The following POC1B variants were observed in gnomAD, a reference collection of about 807,000 sequenced individuals.
POC1B encodes POC1 centriolar protein homolog B.
In POC1B, 44 loss-of-function variants were observed where a neutral mutation model predicts 60.6. That is an observed-to-expected ratio of 0.73 (90% CI 0.57 to 0.93). The LOEUF (loss-of-function observed/expected upper bound fraction) is 0.93. Among genes scored for constraint, POC1B ranks in the 40% least tolerant of loss-of-function variants. POC1B has a pLI of 0.00. For missense variants in POC1B, 555 were observed against 572.3 expected (o/e 0.97, Z 0.31); for synonymous variants, 180 against 198.9 (o/e 0.90, Z 0.80).
At chr12:89,412,832 TTCC>T in the POC1B span, among the ~76,000 whole-genome samples, 19 of 127,610 alleles carry the variant, frequency 1.5e-4, no homozygotes, top group African/African-American at 6.6e-4. Flanking sequence ...CCTTCCTTCC[TTCC>T]TTCCTTCCTT....
intron 2 of POC1B, among the ~76,000 whole-genome samples, chr12:89,503,942 G>A (rs929095858): frequency 1.5e-5 from 2 of 131,498 alleles, no homozygotes; most frequent in Admixed American, 7.6e-5. Flanking sequence ...TGTCTGGGAA[G>A]TGAGGAGCGT....
At chr12:89,510,763 C>CTTTTTTTTTTTTTTTTTTTTTTTT (rs56654469) in intron 2 of POC1B, among the ~76,000 whole-genome samples, 1 of 139,088 alleles carries the variant, frequency 7.2e-6, no homozygotes, top group Non-Finnish European at 1.5e-5. Flanking sequence ...TGTTTTTATT[C>CTTTTTTTTTTTTTTTTTTTTTTTT]TTTTTTTTTT....
intron 4 of POC1B, among the ~76,000 whole-genome samples, chr12:89,489,386 G>T (rs531407724): frequency 6.6e-6 from 1 of 152,248 alleles, no homozygotes; most frequent in East Asian, 1.9e-4. Flanking sequence ...ACAAATTTAG[G>T]TCCAGGGTCC....
At chr12:89,509,123 A>G (rs1006608205) in intron 2 of POC1B, among the ~76,000 whole-genome samples, 2 of 152,202 alleles carry the variant, frequency 1.3e-5, no homozygotes, top group Non-Finnish European at 1.5e-5. Context: ...TAGTAAGTTA[A>G]TGAATATTTT....
chr12:89,409,993 A>T, the POC1B span, among the ~76,000 whole-genome samples: 1 of 152,192 alleles, frequency 6.6e-6, no homozygotes, highest in African/African-American at 2.4e-5. Flanking sequence ...CCTGGCAGAG[A>T]CACAACAAAA....
chr12:89,466,791 C>G lies in POC1B; in HGVS notation c.1011G>C (p.Glu337Asp), dbSNP rs753064627. ...DIYPRTPHPH[E>D]EKVETVEINP... ...TCACTTCTACAGTCTCAACTTTTTC[C>G]TCATGGGGATGTGGTGTTCTTGGGT... The change falls in exon 9 of 12, where the codon GAG becomes GAC. Residue 337 changes from glutamate (E) to aspartate (D), a missense_variant. By Grantham distance (45) the Glu-to-Asp change is conservative (BLOSUM62 2). Transcript: ENST00000313546. The G allele has an allele frequency of 6.2e-7, 1 of 1,611,610 alleles. No individual in the cohort carries two copies. Among genetic ancestry groups the G allele is most frequent in the South Asian group, 1.1e-5 (1 of 90,692 alleles).
At chr12:89,409,238 G>C in the POC1B span, among the ~76,000 whole-genome samples, 2 of 152,032 alleles carry the variant, frequency 1.3e-5, no homozygotes, top group Non-Finnish European at 2.9e-5. Flanking sequence ...TTTCTTCTAC[G>C]GTTTTTAATG....
chr12:89,525,646 G>T (rs11105311), intron 1 of POC1B: 1 of 1,281,232 alleles, frequency 7.8e-7, no homozygotes. Flanking sequence ...GCCCAGCTCA[G>T]TCCGGAGCTC....
chr12:89,486,903 TCACACACACACAGACACA>T (rs1034877853), intron 4 of POC1B, among the ~76,000 whole-genome samples: 5 of 150,592 alleles, frequency 3.3e-5, no homozygotes, highest in African/African-American at 9.8e-5. Context: ...TCTCTCTCTC[TCACACACACACAGACACA>T]CACACACACA....
At chr12:89,452,365 G>A (rs1882079837) in intron 10 of POC1B, among the ~76,000 whole-genome samples, 1 of 151,986 alleles carries the variant, frequency 6.6e-6, no homozygotes, top group South Asian at 2.1e-4. Context: ...TATTTATTGG[G>A]CTCCCAAATA....
At chr12:89,409,095 C>G in the POC1B span, among the ~76,000 whole-genome samples, 1 of 152,114 alleles carries the variant, frequency 6.6e-6, no homozygotes, top group African/African-American at 2.4e-5. Flanking sequence ...ATGGTAGTTC[C>G]TTTTGCTGTG....
At chr12:89,439,601 T>C (rs879371622) in intron 10 of POC1B, among the ~76,000 whole-genome samples, 1 of 152,096 alleles carries the variant, frequency 6.6e-6, no homozygotes, top group Non-Finnish European at 1.5e-5. Flanking sequence ...TTATTTTATT[T>C]TGTTTTATTT....
At chr12:89,476,727 T>C (rs1252459882) in intron 4 of POC1B, among the ~76,000 whole-genome samples, 1 of 128,526 alleles carries the variant, frequency 7.8e-6, no homozygotes, top group African/African-American at 2.9e-5. Flanking sequence ...GATAGATAGA[T>C]AGATAGATAG....
intron 4 of POC1B, among the ~76,000 whole-genome samples, chr12:89,483,663 T>C (rs144649241): frequency 4.5e-4 from 68 of 152,250 alleles, no homozygotes; most frequent in Admixed American, 9.8e-4. Context: ...ACTCAGACCA[T>C]AGTAAATGAC....
intron 1 of POC1B, chr12:89,525,461 A>T: frequency 1.5e-6 from 2 of 1,344,890 alleles, no homozygotes; most frequent in African/African-American, 1.5e-5. Context: ...AGCGCATCGC[A>T]GGAACCGCGG....
At chr12:89,497,934 C>A (rs1481025150) in intron 2 of POC1B, among the ~76,000 whole-genome samples, 1 of 152,168 alleles carries the variant, frequency 6.6e-6, no homozygotes, top group African/African-American at 2.4e-5. Flanking sequence ...CCCACACACA[C>A]AAACACATAC....
rs190695471 is a variant in POC1B, at chr12:89,437,590, T to C, written c.1114-12211A>G. ...CTTCCACTCAAATTCTCCGGGTACA[T>C]ATTTGACCCCCCCACCCCCACCATA... is the stretch of plus-strand genomic sequence containing the variant. On this transcript the variant is annotated intron_variant, in intron 10 of 11. Coordinates refer to ENST00000313546, the MANE Select transcript of POC1B (RefSeq NM_172240.3). Among the ~76,000 whole-genome samples the C allele has an allele frequency of 2.3e-3, 344 of 152,056 alleles. 1 individual carries two copies. The highest frequency in any genetic ancestry group is 5.6e-3 in the Admixed American group (86 of 15,258).
intron 2 of POC1B, 138 bp from the exon 3 acceptor site, chr12:89,497,480 T>G: frequency 1.3e-6 from 1 of 782,536 alleles, no homozygotes. Context: ...GCCCAGGTAA[T>G]AGCCAAATTA....
chr12:89,406,639 G>T, the POC1B span, among the ~76,000 whole-genome samples: 83 of 151,904 alleles, frequency 5.5e-4, no homozygotes, highest in Admixed American at 1.4e-3. Flanking sequence ...CCTATTCCCG[G>T]GTCTGCAAGA....
Sources: gnomAD v4.1 joint callset for allele counts (sites outside exome capture counted in the v4.1 genomes callset) on GRCh38, gnomAD v4.1.1 for gene constraint, MANE v1.5 for transcripts, NCBI Gene and HGNC (gene_info 2026-07-23, HGNC 2026-07-21) for gene names.